Variants in PYY observed in about 807,000 individuals in gnomAD.
PYY encodes peptide tyrosine tyrosine.
PYY carries 12 observed loss-of-function variants against 10.3 expected under a neutral mutation model. The observed-to-expected ratio is 1.17, with a 90% CI of 0.75 to 1.89. The LOEUF is 1.89. PYY is among the 40% of genes most tolerant of loss of function. The probability of loss-of-function intolerance (pLI) is 0.00; values close to 1 mark genes in which losing one functional copy is unlikely to be tolerated. For synonymous variants in PYY, 66 were observed against 62.0 expected, an observed-to-expected ratio of 1.06 and a Z score of -0.30; for missense variants, 141 against 134.0, an observed-to-expected ratio of 1.05 and a Z score of -0.26.
intron 1 of PYY, among the ~76,000 whole-genome samples, chr17:43,996,952 G>T (rs921986192): frequency 6.6e-6 from 1 of 152,134 alleles, no homozygotes; most frequent in Non-Finnish European, 1.5e-5. Context: ...GCCTCCCAAA[G>T]TGCTGGGATT....
chr17:43,960,547 A>AAC (rs1184839402), intron 2 of PYY, among the ~76,000 whole-genome samples: 4 of 148,468 alleles, frequency 2.7e-5, no homozygotes, highest in Non-Finnish European at 6.0e-5. Context: ...AAAAAAAAAA[A>AAC]AAAAAAAACA....
chr17:43,973,761 C>T (rs1342330685), intron 1 of PYY, among the ~76,000 whole-genome samples: 3 of 152,220 alleles, frequency 2.0e-5, no homozygotes, highest in Non-Finnish European at 2.9e-5. Flanking sequence ...TGCCTCTGCA[C>T]TCCAGCCTGG....
At position 43,953,353 on chromosome 17, in the gene PYY, T is replaced by A. The variant is rs1331855911; in HGVS notation, c.131A>T (p.Glu44Val). 2 of 1,612,234 alleles carry A rather than the reference T, an allele frequency of 1.2e-6. No homozygotes were observed. The highest frequency in any genetic ancestry group is 1.7e-6 in the Non-Finnish European group (2 of 1,179,420). The change falls in exon 2 of 4, where the codon GAG (glutamate) becomes GTG (valine). Residue 44 changes from glutamate to valine, a missense_variant. Coordinates refer to ENST00000692052, the MANE Select transcript of PYY (RefSeq NM_001394028.1). ...EAPREDASPEELNRYYASLRH... is the reference protein window; with the variant it reads ...EAPREDASPEVLNRYYASLRH... ...CAGGGAGGCGTAGTAGCGGTTCAGC[T>A]CCTCCGGCGAGGCGTCTTCGCGGGG... is the stretch of plus-strand genomic sequence containing the variant.
At chr17:44,003,386 G>A (rs2049043804) in intron 1 of PYY, among the ~76,000 whole-genome samples, 1 of 152,160 alleles carries the variant, frequency 6.6e-6, no homozygotes, top group African/African-American at 2.4e-5. Context: ...GCCGGGCGTG[G>A]TGGCTCACGC....
intron 1 of PYY, among the ~76,000 whole-genome samples, chr17:43,973,615 T>C (rs2048809976): frequency 6.6e-6 from 1 of 152,100 alleles, no homozygotes; most frequent in African/African-American, 2.4e-5. Flanking sequence ...GCCAACTTGG[T>C]GAAACCCCGT....
chr17:43,959,668 C>G (rs560388476), intron 2 of PYY, among the ~76,000 whole-genome samples: 1 of 151,982 alleles, frequency 6.6e-6, no homozygotes, highest in Non-Finnish European at 1.5e-5. Context: ...GGTGACAGAG[C>G]GAGACTACGT....
At chr17:43,990,453 AAAAG>A (rs1463590313) in intron 1 of PYY, among the ~76,000 whole-genome samples, 13 of 150,424 alleles carry the variant, frequency 8.6e-5, no homozygotes, top group East Asian at 2.0e-4. Flanking sequence ...AAAAAAAAAA[AAAAG>A]AAAGAAAGAA....
intron 1 of PYY, among the ~76,000 whole-genome samples, chr17:43,976,134 CAT>C (rs2048834117): frequency 8.6e-6 from 1 of 116,124 alleles, no homozygotes; most frequent in Non-Finnish European, 1.7e-5. Flanking sequence ...TATATGTATA[CAT>C]ATATGTATAT....
At chr17:43,983,385 G>A (rs2048895546) in intron 1 of PYY, among the ~76,000 whole-genome samples, 1 of 152,210 alleles carries the variant, frequency 6.6e-6, no homozygotes, top group African/African-American at 2.4e-5. Flanking sequence ...CTCTCCTACC[G>A]CGGGCCCTAC....
intron 1 of PYY, among the ~76,000 whole-genome samples, chr17:44,003,380 G>C (rs1018925768): frequency 6.6e-6 from 1 of 152,138 alleles, no homozygotes; most frequent in African/African-American, 2.4e-5. Flanking sequence ...AAGAGGGCCG[G>C]GCGTGGTGGC....
At chr17:43,963,886 C>G (rs2048736754) in intron 2 of PYY, among the ~76,000 whole-genome samples, 1 of 151,948 alleles carries the variant, frequency 6.6e-6, no homozygotes, top group African/African-American at 2.4e-5. Context: ...TGATGGCATG[C>G]ACTTTTAGTC....
At chr17:43,998,501 T>A (rs1390518416) in intron 1 of PYY, among the ~76,000 whole-genome samples, 1 of 151,950 alleles carries the variant, frequency 6.6e-6, no homozygotes, top group Non-Finnish European at 1.5e-5. Context: ...GAGGTTGCAG[T>A]GAGCTGAGAT....
intron 2 of PYY, among the ~76,000 whole-genome samples, chr17:43,963,612 AAGAAAGAAAGAAAG>A (rs761454961): frequency 0.08 from 7,987 of 99,338 alleles, 368 homozygotes; most frequent in Middle Eastern, 0.14. Flanking sequence ...GAAAGAAAGA[AAGAAAGAAAGAAAG>A]AGAAAGAAAG....
chr17:43,989,360 C>T lies in PYY; in HGVS notation c.-463+15031G>A, dbSNP rs566291532. Among the ~76,000 whole-genome samples, 38 of 151,954 alleles carry T rather than the reference C, an allele frequency of 2.5e-4. 1 individual carries two copies. In the East Asian group the frequency reaches 7.1e-3, roughly 28 times the overall value. ...CTGCACTCCAGCCTGGGTGACAGAG[C>T]AAGACTCCGTCTCAAAAACAAACAA... On this transcript the variant is annotated intron_variant, in intron 1 of 6. Coordinates refer to the PYY transcript ENST00000360085.
chr17:44,004,139 G>T (rs189514650), intron 1 of PYY, among the ~76,000 whole-genome samples: 1 of 152,198 alleles, frequency 6.6e-6, no homozygotes, highest in East Asian at 1.9e-4. Context: ...CCAGTGACTG[G>T]AGTTTGGCAA....
At chr17:43,985,607 T>C (rs1014324042) in intron 1 of PYY, among the ~76,000 whole-genome samples, 1 of 152,244 alleles carries the variant, frequency 6.6e-6, no homozygotes, top group East Asian at 1.9e-4. Flanking sequence ...TTAGGGTAAA[T>C]GTACCTATCC....
At chr17:43,976,105 G>A (rs111210643) in intron 1 of PYY, among the ~76,000 whole-genome samples, 15,366 of 24,436 alleles carry the variant, frequency 0.63, 5,966 homozygotes, top group East Asian at 1. Context: ...GCATATATAC[G>A]TGTATACATG....
Position 43,952,811 on chromosome 17 carries a change from G to T in PYY, c.*145C>A. The T allele has an allele frequency of 1.2e-6, 1 of 829,494 alleles. No homozygotes were observed. Among genetic ancestry groups the T allele is most frequent in the African/African-American group, 1.8e-5 (1 of 57,070 alleles). The allele number at this position is 829,494 out of a possible 1,614,324, so 51.4% of individuals were successfully genotyped here. A position where few individuals can be genotyped will look rare whatever the true frequency, so the allele number is the denominator to read the frequency against. On this transcript the variant is annotated 3_prime_UTR_variant, in exon 4 of 4. Coordinates refer to ENST00000692052, the MANE Select transcript of PYY (RefSeq NM_001394028.1). ...CAGCCCTCCAGCCCAGGGGGCGGGGGCACCGAGACGCGGGCGGAGGGCCGC... is the reference window on the plus strand; with the variant it reads ...CAGCCCTCCAGCCCAGGGGGCGGGGTCACCGAGACGCGGGCGGAGGGCCGC...
chr17:43,972,195 A>ATTTTAT (rs376003060), intron 1 of PYY, among the ~76,000 whole-genome samples: 64 of 100,192 alleles, frequency 6.4e-4, no homozygotes, highest in South Asian at 3.5e-3. Context: ...ATTTTATTTT[A>ATTTTAT]TTTATTTATT....
Sources: allele counts gnomAD v4.1 joint callset (sites outside exome capture counted in the v4.1 genomes callset), GRCh38; gene constraint gnomAD v4.1.1; transcripts MANE v1.5; gene names NCBI Gene and HGNC (gene_info 2026-07-23, HGNC 2026-07-21).